Variants in TCF12 observed in about 807,000 individuals in gnomAD.
TCF12 encodes the protein transcription factor 12.
In TCF12, 45 loss-of-function variants were observed where a neutral mutation model predicts 86.0. That is an observed-to-expected ratio of 0.52 (90% confidence interval 0.41 to 0.67). The LOEUF (loss-of-function observed/expected upper bound fraction) is 0.67, where lower values mean the gene tolerates loss of function less well. Among genes scored for constraint, TCF12 ranks in the 30% least tolerant of loss-of-function variants. The pLI is 0.00. For synonymous variants in TCF12, 330 were observed against 299.6 expected, an observed-to-expected ratio of 1.10 and a Z score of -1.05; for missense variants, 881 against 859.9, an observed-to-expected ratio of 1.02 and a Z score of -0.31.
At chr15:57,084,463 A>G (rs2048502372) in intron 4 of TCF12, among the ~76,000 whole-genome samples, 1 of 152,218 alleles carries the variant, frequency 6.6e-6, no homozygotes, top group African/African-American at 2.4e-5. Flanking sequence ...TGTGACTTAC[A>G]GGATAATATA....
At chr15:57,098,009 C>CAAAAAAAAAAAAAAA (rs72046243) in intron 5 of TCF12, among the ~76,000 whole-genome samples, 7 of 48,410 alleles carry the variant, frequency 1.4e-4, no homozygotes, top group Non-Finnish European at 2.1e-4. Flanking sequence ...TACAAAAATA[C>CAAAAAAAAAAAAAAA]AAAAAAAAAA....
intron 5 of TCF12, among the ~76,000 whole-genome samples, chr15:57,165,315 T>TA (rs1388198973): frequency 6.6e-6 from 1 of 152,180 alleles, no homozygotes; most frequent in Non-Finnish European, 1.5e-5. Context: ...AGGGATCTGT[T>TA]ATCAACACAC....
At chr15:57,039,266 G>A (rs1336331721) in intron 3 of TCF12, among the ~76,000 whole-genome samples, 1 of 152,182 alleles carries the variant, frequency 6.6e-6, no homozygotes, top group Admixed American at 6.5e-5. Context: ...GTCATTACCT[G>A]ATGTCTAAAT....
At chr15:57,199,859 G>A (rs2057448100) in intron 8 of TCF12, among the ~76,000 whole-genome samples, 1 of 152,174 alleles carries the variant, frequency 6.6e-6, no homozygotes, top group Middle Eastern at 3.4e-3. Context: ...AAAATGCTGT[G>A]TTGAAACCTC....
At chr15:57,147,882 CT>C (rs75528355) in intron 5 of TCF12, among the ~76,000 whole-genome samples, 506 of 137,840 alleles carry the variant, frequency 3.7e-3, no homozygotes, top group Middle Eastern at 0.011. Flanking sequence ...GGAAACTAGA[CT>C]TTTTTTTTTT....
At chr15:57,057,691 T>C (rs1314237689) in intron 3 of TCF12, among the ~76,000 whole-genome samples, 1 of 152,108 alleles carries the variant, frequency 6.6e-6, no homozygotes, top group Non-Finnish European at 1.5e-5. Flanking sequence ...TAATTCTGAA[T>C]GAGTTGGGAA....
chr15:57,181,888 G>C (rs530042775), intron 6 of TCF12, among the ~76,000 whole-genome samples: 1 of 151,968 alleles, frequency 6.6e-6, no homozygotes, highest in Non-Finnish European at 1.5e-5. Context: ...TTATTCTCTA[G>C]TATTAGATAT....
At chr15:56,998,057 A>G (rs766626576) in intron 3 of TCF12, among the ~76,000 whole-genome samples, 5 of 152,260 alleles carry the variant, frequency 3.3e-5, no homozygotes, top group East Asian at 1.9e-4. Context: ...GCAAAATCTG[A>G]TAGAACTTAA....
At chr15:57,197,962 CATTG>C in intron 8 of TCF12, 137 bp downstream of exon 8, 1 of 825,508 alleles carries the variant, frequency 1.2e-6, no homozygotes, top group Non-Finnish European at 1.9e-6. Flanking sequence ...TTAACAAAAT[CATTG>C]ATTGAGGTAA....
At chr15:57,100,496 T>TA (rs376773613) in intron 5 of TCF12, among the ~76,000 whole-genome samples, 7 of 151,602 alleles carry the variant, frequency 4.6e-5, no homozygotes, top group African/African-American at 1.7e-4. Context: ...CTCCTAGGTT[T>TA]AAGTGATCTT....
intron 5 of TCF12, among the ~76,000 whole-genome samples, chr15:57,093,038 C>G (rs1301294778): frequency 3.3e-5 from 5 of 152,042 alleles, no homozygotes; most frequent in African/African-American, 1.2e-4. Flanking sequence ...CAGTTTGAAG[C>G]CAGAAGAACC....
intron 3 of TCF12, among the ~76,000 whole-genome samples, chr15:57,019,572 G>C (rs1668153495): frequency 6.6e-6 from 1 of 152,086 alleles, no homozygotes; most frequent in South Asian, 2.1e-4. Flanking sequence ...AAATTATAGG[G>C]GTACGGAAAA....
chr15:57,199,808 A>G (rs1447205308), intron 8 of TCF12, among the ~76,000 whole-genome samples: 1 of 152,182 alleles, frequency 6.6e-6, no homozygotes, highest in Non-Finnish European at 1.5e-5. Flanking sequence ...GGATGTATAA[A>G]TAACACATTC....
At chr15:57,145,186 G>A (rs548458380) in intron 5 of TCF12, among the ~76,000 whole-genome samples, 1 of 152,120 alleles carries the variant, frequency 6.6e-6, no homozygotes, top group Admixed American at 6.5e-5. Flanking sequence ...TATTCTGCAG[G>A]GTATTCTGTC....
Position 56,946,798 on chromosome 15 carries a change from C to CCTTTTTTT in TCF12, c.148+25700_148+25701insCTTTTTTT, listed in dbSNP as rs2061018263. 1.8e-5 allele frequency among the ~76,000 whole-genome samples: 2 copies of CCTTTTTTT among 113,544 alleles called. 1 individual carries two copies. Among genetic ancestry groups the CCTTTTTTT allele is most frequent in the African/African-American group, 6.2e-5 (2 of 32,214 alleles). 74.5% of individuals were successfully genotyped at this position (113,544 alleles called of 152,430 possible). On this transcript the variant is annotated intron_variant, in intron 3 of 20. Transcript: ENST00000333725. ...GCTTTTGTGAGTGAGTCTAAAGTAC[C>CCTTTTTTT]TTTTTTTTTTTTTTTTTTTTGAGAC...
At chr15:57,011,818 G>A (rs553842803) in intron 3 of TCF12, among the ~76,000 whole-genome samples, 2 of 152,140 alleles carry the variant, frequency 1.3e-5, no homozygotes, top group African/African-American at 2.4e-5. Context: ...GAGTCTGTGG[G>A]CAGACTTTCC....
intron 5 of TCF12, among the ~76,000 whole-genome samples, chr15:57,165,897 G>A (rs904069653): frequency 6.6e-6 from 1 of 152,106 alleles, no homozygotes; most frequent in South Asian, 2.1e-4. Flanking sequence ...AAGCAAACAT[G>A]GGAAAACATT....
At chr15:56,986,477 G>A (rs1268311928) in intron 3 of TCF12, among the ~76,000 whole-genome samples, 1 of 152,142 alleles carries the variant, frequency 6.6e-6, no homozygotes, top group Non-Finnish European at 1.5e-5. Flanking sequence ...AGTATGTCCT[G>A]TTGTAAGTAG....
At chr15:57,224,688 A>G (rs1334742522) in intron 8 of TCF12, among the ~76,000 whole-genome samples, 3 of 152,138 alleles carry the variant, frequency 2.0e-5, no homozygotes, top group African/African-American at 7.2e-5. Flanking sequence ...GGAAAGAGAT[A>G]TTGGTCCTTT....
Sources: gnomAD v4.1 joint callset for allele counts (sites outside exome capture counted in the v4.1 genomes callset) on GRCh38, gnomAD v4.1.1 for gene constraint, MANE v1.5 for transcripts, NCBI Gene and HGNC (gene_info 2026-07-23, HGNC 2026-07-21) for gene names.